The following RGSL1 variants were observed in gnomAD, a reference collection of about 807,000 sequenced individuals.
RGSL1 encodes regulator of G protein signaling like 1, also known as regulator of G protein signaling protein-like.
Under a neutral mutation model 124.7 loss-of-function variants are expected in RGSL1, and 97 were observed. The ratio of observed to expected loss-of-function variants is 0.78; its 90% CI spans 0.66 to 0.92. The LOEUF (loss-of-function observed/expected upper bound fraction) is 0.92, where lower values mean the gene tolerates loss of function less well. RGSL1 is among the 40% of genes least tolerant of loss of function. The probability of loss-of-function intolerance (pLI) is 0.00; values close to 1 mark genes in which losing one functional copy is unlikely to be tolerated. For missense variants in RGSL1, 1,233 were observed against 1,288.4 expected (o/e 0.96, Z 0.66); for synonymous variants, 424 against 438.1 (o/e 0.97, Z 0.40).
intron 6 of RGSL1, among the ~76,000 whole-genome samples, chr1:182,476,442 A>G (rs1207364782): frequency 6.6e-6 from 1 of 152,126 alleles, no homozygotes; most frequent in African/African-American, 2.4e-5. Flanking sequence ...CCCTGTTGGC[A>G]TTACCTTAAG....
intron 9 of RGSL1, among the ~76,000 whole-genome samples, chr1:182,507,748 G>A (rs1013320426): frequency 1.3e-4 from 20 of 151,886 alleles, no homozygotes; most frequent in African/African-American, 4.8e-4. Flanking sequence ...TGTCACTCAG[G>A]CTGGAATGCA....
chr1:182,543,092 A>G (rs1191427754), intron 15 of RGSL1, among the ~76,000 whole-genome samples: 1 of 152,154 alleles, frequency 6.6e-6, no homozygotes, highest in Non-Finnish European at 1.5e-5. Flanking sequence ...ACTATATTGA[A>G]TAAGAGTAGT....
intron 4 of RGSL1, among the ~76,000 whole-genome samples, chr1:182,471,719 C>G (rs187416145): frequency 3.9e-5 from 6 of 152,208 alleles, no homozygotes; most frequent in Admixed American, 3.9e-4. Flanking sequence ...GGGAGATGGA[C>G]AAGGAACACG....
intron 14 of RGSL1, among the ~76,000 whole-genome samples, chr1:182,539,827 T>C (rs1659774588): frequency 1.3e-5 from 2 of 152,246 alleles, no homozygotes; most frequent in Non-Finnish European, 2.9e-5. Flanking sequence ...TTCTTTACTC[T>C]TGATATTTTG....
At chr1:182,545,157 T>C (rs1194720290) in intron 15 of RGSL1, among the ~76,000 whole-genome samples, 2 of 152,174 alleles carry the variant, frequency 1.3e-5, no homozygotes, top group Admixed American at 6.5e-5. Flanking sequence ...GTAACTATTA[T>C]AGGTTTCTGC....
chr1:182,494,504 G>A (rs1655766713), intron 9 of RGSL1, among the ~76,000 whole-genome samples: 1 of 152,130 alleles, frequency 6.6e-6, no homozygotes, highest in Admixed American at 6.5e-5. Context: ...CTTTTTCAAT[G>A]TGACTACTAG....
intron 15 of RGSL1, among the ~76,000 whole-genome samples, chr1:182,546,437 G>A (rs968811673): frequency 2.6e-5 from 4 of 151,534 alleles, no homozygotes; most frequent in Non-Finnish European, 5.9e-5. Context: ...TCACTCTGTC[G>A]CCAGGCTGGA....
intron 6 of RGSL1, among the ~76,000 whole-genome samples, chr1:182,482,195 A>T (rs1436861154): frequency 2.0e-5 from 3 of 152,170 alleles, no homozygotes; most frequent in Admixed American, 2.0e-4. Context: ...TATTTTCATG[A>T]CAAAAACTCT....
chr1:182,532,099 A>G (rs1571671478), intron 13 of RGSL1, among the ~76,000 whole-genome samples: 1 of 152,172 alleles, frequency 6.6e-6, no homozygotes, highest in African/African-American at 2.4e-5. Context: ...GGCTCTAAGT[A>G]TCAATTTCTT....
chr1:182,461,667 T>TA (rs1229498704), intron 4 of RGSL1, among the ~76,000 whole-genome samples: 1 of 151,748 alleles, frequency 6.6e-6, no homozygotes, highest in Non-Finnish European at 1.5e-5. Context: ...AGAAAAACCT[T>TA]AAAAAAACAA....
At chr1:182,458,849 T>A (rs1470311096) in intron 3 of RGSL1, among the ~76,000 whole-genome samples, 1 of 152,214 alleles carries the variant, frequency 6.6e-6, no homozygotes, top group East Asian at 1.9e-4. Flanking sequence ...GGAGAAACTG[T>A]AAAGCAGGTG....
chr1:182,558,943 AT>A (rs1204694022), intron 21 of RGSL1, among the ~76,000 whole-genome samples: 1 of 152,196 alleles, frequency 6.6e-6, no homozygotes, highest in Non-Finnish European at 1.5e-5. Flanking sequence ...GTCACCAGAA[AT>A]TCTACCGACC....
At chr1:182,544,246 TTCACTGACCCATTGG>T (rs1418379959) in intron 15 of RGSL1, among the ~76,000 whole-genome samples, 1 of 152,148 alleles carries the variant, frequency 6.6e-6, no homozygotes, top group East Asian at 1.9e-4. Flanking sequence ...CCTTTATTTC[TTCACTGACCCATTGG>T]TCATTCAGGA....
chr1:182,449,884 G>A (rs1651680417), upstream of RGSL1, among the ~76,000 whole-genome samples: 1 of 152,312 alleles, frequency 6.6e-6, no homozygotes, highest in Admixed American at 6.5e-5. Flanking sequence ...GCAGACAAGA[G>A]ATCTTGGGCA....
intron 9 of RGSL1, among the ~76,000 whole-genome samples, chr1:182,519,267 A>G (rs1023680688): frequency 1.3e-5 from 2 of 152,172 alleles, no homozygotes; most frequent in East Asian, 1.9e-4. Flanking sequence ...TTTTATGTCT[A>G]AAGAATGCCC....
chr1:182,542,304 A>G (rs1214889106), intron 15 of RGSL1, among the ~76,000 whole-genome samples: 1 of 152,146 alleles, frequency 6.6e-6, no homozygotes, highest in Non-Finnish European at 1.5e-5. Flanking sequence ...TCCTATCACC[A>G]TTTATTGAAG....
At chr1:182,481,369 A>G (rs961190890) in intron 6 of RGSL1, among the ~76,000 whole-genome samples, 1 of 152,212 alleles carries the variant, frequency 6.6e-6, no homozygotes, top group Non-Finnish European at 1.5e-5. Context: ...CTAGAAACAT[A>G]CAACTTACCA....
At chr1:182,540,111 A>G in intron 14 of RGSL1, 136 bp from the exon 15 acceptor site, 1 of 791,162 alleles carries the variant, frequency 1.3e-6, no homozygotes. Context: ...GGTTGAGCCC[A>G]ATGGCAGTAA....
chr1:182,520,728 G>C (rs370199763), intron 9 of RGSL1, among the ~76,000 whole-genome samples: 1 of 151,860 alleles, frequency 6.6e-6, no homozygotes, highest in African/African-American at 2.4e-5. Flanking sequence ...TTTATATCTG[G>C]TCTTCCATAG....
Sources: allele counts gnomAD v4.1 joint callset (sites outside exome capture counted in the v4.1 genomes callset), GRCh38; gene constraint gnomAD v4.1.1; transcripts MANE v1.5; gene names NCBI Gene and HGNC (gene_info 2026-07-23, HGNC 2026-07-21).